The following UACA variants were observed in gnomAD, a reference collection of about 807,000 sequenced individuals.
UACA encodes uveal autoantigen with coiled-coil domains and ankyrin repeats.
UACA carries 112 observed loss-of-function variants against 160.5 expected under a neutral mutation model. The ratio of observed to expected loss-of-function variants is 0.70; its 90% CI spans 0.60 to 0.82. UACA has a LOEUF of 0.82. Among genes scored for constraint, UACA ranks in the 40% least tolerant of loss-of-function variants. The probability of loss-of-function intolerance (pLI) is 0.00; values close to 1 mark genes in which losing one functional copy is unlikely to be tolerated. For synonymous variants in UACA, 557 were observed against 568.4 expected, an observed-to-expected ratio of 0.98 and a Z score of 0.29; for missense variants, 1,574 against 1,614.6, an observed-to-expected ratio of 0.97 and a Z score of 0.43.
chr15:70,735,848 T>A (rs1478629296), intron 1 of UACA, among the ~76,000 whole-genome samples: 2 of 152,038 alleles, frequency 1.3e-5, no homozygotes, highest in African/African-American at 4.8e-5. Flanking sequence ...GCTAATTTTT[T>A]AATTTTCTGT....
At chr15:70,695,631 G>A (rs1036563428) in intron 2 of UACA, among the ~76,000 whole-genome samples, 5 of 152,008 alleles carry the variant, frequency 3.3e-5, no homozygotes, top group Non-Finnish European at 5.9e-5. Context: ...AAGAATCAGC[G>A]CCTTCTTCCC....
At chr15:70,659,678 C>A (rs1013457548) in intron 18 of UACA, among the ~76,000 whole-genome samples, 3 of 151,782 alleles carry the variant, frequency 2.0e-5, no homozygotes, top group Non-Finnish European at 4.4e-5. Flanking sequence ...ACTGTTATTC[C>A]TTAATTAATC....
At chr15:70,762,967 C>T (rs1431084473) in intron 1 of UACA, among the ~76,000 whole-genome samples, 1 of 150,342 alleles carries the variant, frequency 6.7e-6, no homozygotes, top group African/African-American at 2.5e-5. Flanking sequence ...GCAGGGCGAG[C>T]GCCGGGAGAG....
chr15:70,701,998 TCAGA>T, intron 1 of UACA: 6 of 1,582,514 alleles, frequency 3.8e-6, no homozygotes, highest in East Asian at 2.3e-5. Flanking sequence ...AAGCAAACTC[TCAGA>T]CAAACTCCTG....
chr15:70,656,806 G>A lies in UACA; in HGVS notation c.*250C>T, dbSNP rs1896486243. 2.9e-6 allele frequency: 1 copy of A among 349,258 alleles called. No individual in the cohort carries two copies. The highest frequency in any genetic ancestry group is 6.6e-5 in the South Asian group (1 of 15,182). 21.6% of individuals were successfully genotyped at this position (349,258 alleles called of 1,614,324 possible). ...TAGGGACTTGAAGGTTTAAAAATAT[G>A]TAGTCAATCCAGGGCAAAGTTATGT... On this transcript the variant is annotated 3_prime_UTR_variant, in exon 19 of 19. Transcript: ENST00000322954.
intron 1 of UACA, among the ~76,000 whole-genome samples, chr15:70,704,630 A>T (rs763270417): frequency 1.3e-5 from 2 of 152,222 alleles, no homozygotes; most frequent in Admixed American, 6.5e-5. Flanking sequence ...AGCAAGGATA[A>T]CAATAGAGAA....
intron 1 of UACA, among the ~76,000 whole-genome samples, chr15:70,756,952 A>T (rs983078962): frequency 1.5e-4 from 23 of 152,218 alleles, no homozygotes; most frequent in African/African-American, 5.3e-4. Context: ...TGTTTCAAAT[A>T]ATTCGATATC....
intron 12 of UACA, 108 bp downstream of exon 12, chr15:70,677,000 G>T: frequency 1.2e-6 from 1 of 834,364 alleles, no homozygotes; most frequent in Non-Finnish European, 1.9e-6. Flanking sequence ...TTAATAACCA[G>T]AAATAGAATC....
chr15:70,746,067 G>C (rs1566998102), intron 1 of UACA, among the ~76,000 whole-genome samples: 1 of 152,150 alleles, frequency 6.6e-6, no homozygotes. Flanking sequence ...TCAAGATATA[G>C]GCATGGGAAA....
intron 2 of UACA, among the ~76,000 whole-genome samples, chr15:70,698,767 T>C (rs1407469833): frequency 1.3e-5 from 2 of 152,074 alleles, no homozygotes; most frequent in Admixed American, 6.5e-5. Flanking sequence ...TTTGAAAGGG[T>C]TCCCAGATAA....
chr15:70,699,466 T>G, intron 2 of UACA, 61 bp downstream of exon 2: 2 of 1,551,594 alleles, frequency 1.3e-6, no homozygotes. Context: ...ACAAGTTTCA[T>G]TTGTATCCCA....
chr15:70,739,611 A>G (rs1807046011), intron 1 of UACA, among the ~76,000 whole-genome samples: 1 of 152,220 alleles, frequency 6.6e-6, no homozygotes, highest in Admixed American at 6.5e-5. Flanking sequence ...CAAATTTTCA[A>G]TAGCTGACAT....
Position 70,669,290 on chromosome 15 carries a change from T to C in UACA, c.1394A>G (p.Asn465Ser), listed in dbSNP as rs1566966222. The change falls in exon 16 of 19, where the codon AAT (asparagine) becomes AGT (serine). Residue 465 changes from asparagine to serine, a missense_variant. By Grantham distance (46) the Asn-to-Ser change is conservative. Coordinates refer to ENST00000322954, the MANE Select transcript of UACA (RefSeq NM_018003.4). ...SAKQDRLKLQ[N>S]ELAHKVAECK... ...TTCTGCCACTTTGTGTGCCAGTTCA[T>C]TTTGGAGCTTCAGTCGGTCTTGTTT... 1.9e-6 allele frequency: 3 copies of C among 1,614,102 alleles called. No homozygotes were observed. The highest frequency in any genetic ancestry group is 2.5e-6 in the Non-Finnish European group (3 of 1,179,978).
rs1255628584 is a variant in UACA at position 70,667,659 on chromosome 15, A to T, written c.3025T>A (p.Leu1009Ile). The T allele has an allele frequency of 6.2e-7, 1 of 1,613,222 alleles. No individual in the cohort carries two copies. Among genetic ancestry groups the T allele is most frequent in the Non-Finnish European group, 8.5e-7 (1 of 1,179,946 alleles). Reference sequence around the variant, plus strand: ...CTATACTTTTGTGTCTGCTCTGATAACTGGTCTTTTAGTTCTTTCTCTGTT... The same window carrying T: ...CTATACTTTTGTGTCTGCTCTGATATCTGGTCTTTTAGTTCTTTCTCTGTT... The part of the protein sequence containing the change: ...KATEKELKDQ[L>I]SEQTQKYSVS... The change falls in exon 16 of 19, where the codon TTA (leucine) becomes ATA (isoleucine). Residue 1009 changes from leucine to isoleucine, a missense_variant. By Grantham distance (5) the Leu-to-Ile change is conservative. Transcript: ENST00000322954.
chr15:70,691,325 C>T lies in UACA; in HGVS notation c.340G>A (p.Ala114Thr). Reference sequence around the variant, plus strand: ...TGTAGAAGTTTTTGTAGGCACAATGCATGTCCATACTTAGCAGCCAGGTGA... The same window carrying T: ...TGTAGAAGTTTTTGTAGGCACAATGTATGTCCATACTTAGCAGCCAGGTGA... Reference protein sequence around the residue: ...ALHLAAKYGHALCLQKLLQYN... With the variant: ...ALHLAAKYGHTLCLQKLLQYN... The change falls in exon 4 of 19, where the codon GCA (alanine) becomes ACA (threonine). Residue 114 changes from alanine to threonine, a missense_variant. By Grantham distance (58) the Ala-to-Thr change is moderately conservative. Coordinates refer to ENST00000322954, the MANE Select transcript of UACA (RefSeq NM_018003.4). The T allele has an allele frequency of 6.2e-7, 1 of 1,609,024 alleles. No homozygotes were observed. The highest frequency in any genetic ancestry group is 1.1e-5 in the South Asian group (1 of 89,982).
intron 1 of UACA, chr15:70,702,196 G>A (rs1317434969): frequency 2.6e-6 from 3 of 1,159,624 alleles, no homozygotes; most frequent in Non-Finnish European, 3.2e-6. Flanking sequence ...CTTATTCTTT[G>A]GAAGCTAGCT....
rs778988212 is a variant in UACA at position 70,667,504 on chromosome 15, T to C, written c.3180A>G (p.Ala1060=). Residue 1060 remains alanine, a synonymous_variant, in exon 16 of 19, where the codon GCA becomes GCG. Coordinates refer to ENST00000322954, the MANE Select transcript of UACA (RefSeq NM_018003.4). ...LIEKSHEMER[A]LSRKTDELNK... ...TTAGCTCGTCTGTTTTTCTGCTTAA[T>C]GCTCTTTCCATTTCATGAGACTTCT... The C allele has an allele frequency of 2.5e-5, 41 of 1,612,438 alleles. No homozygotes were observed. The South Asian group carries it at 2.7e-4, about 11-fold the overall frequency.
chr15:70,692,810 T>C (rs533657938), intron 3 of UACA, among the ~76,000 whole-genome samples: 9 of 152,260 alleles, frequency 5.9e-5, no homozygotes, highest in African/African-American at 2.2e-4. Context: ...ATTTCACAAG[T>C]AGACCTTTTT....
chr15:70,712,228 A>C (rs892970446), intron 1 of UACA, among the ~76,000 whole-genome samples: 1 of 152,054 alleles, frequency 6.6e-6, no homozygotes, highest in African/African-American at 2.4e-5. Flanking sequence ...GTGTGTAGAC[A>C]GAAACCTAGA....
Sources: allele counts gnomAD v4.1 joint callset (sites outside exome capture counted in the v4.1 genomes callset), GRCh38; gene constraint gnomAD v4.1.1; transcripts MANE v1.5; gene names NCBI Gene and HGNC (gene_info 2026-07-23, HGNC 2026-07-21).